The following PRSS23 variants were observed in gnomAD, a reference collection of about 807,000 sequenced individuals.
The protein encoded by PRSS23 is protease, serine 23.
PRSS23 carries 25 observed loss-of-function variants against 34.7 expected under a neutral mutation model. That is an observed-to-expected ratio of 0.72 (90% confidence interval 0.53 to 1.01). The LOEUF is 1.01. PRSS23 is among the 50% of genes least tolerant of loss of function. PRSS23 has a pLI of 0.00. For missense variants in PRSS23, 445 were observed against 475.6 expected (o/e 0.94, Z 0.60); for synonymous variants, 176 against 186.6 (o/e 0.94, Z 0.46).
At chr11:86,838,040 C>T (rs924302336) in intron 2 of PRSS23, among the ~76,000 whole-genome samples, 4 of 150,554 alleles carry the variant, frequency 2.7e-5, no homozygotes, top group Admixed American at 1.3e-4. Flanking sequence ...CAAGGGAAGC[C>T]GTGACAGACT....
intron 2 of PRSS23, among the ~76,000 whole-genome samples, chr11:86,895,929 A>T (rs762010418): frequency 1.3e-5 from 2 of 152,214 alleles, no homozygotes; most frequent in Non-Finnish European, 2.9e-5. Context: ...ATTTCAGTCA[A>T]ATTATCAGGA....
chr11:86,884,291 A>T (rs1344302701), intron 2 of PRSS23, among the ~76,000 whole-genome samples: 1 of 151,990 alleles, frequency 6.6e-6, no homozygotes, highest in Non-Finnish European at 1.5e-5. Flanking sequence ...TCTTGCACTC[A>T]TATTTGTTTT....
intron 2 of PRSS23, among the ~76,000 whole-genome samples, chr11:86,884,244 C>G (rs1948788172): frequency 6.6e-6 from 1 of 152,166 alleles, no homozygotes. Context: ...TAGTTTTTGA[C>G]CCTTCCAATT....
intron 2 of PRSS23, among the ~76,000 whole-genome samples, chr11:86,906,257 C>A (rs974845354): frequency 6.6e-6 from 1 of 152,242 alleles, no homozygotes; most frequent in Non-Finnish European, 1.5e-5. Flanking sequence ...CCTTCTCCAC[C>A]CTTGTGCCCA....
chr11:86,902,329 C>T (rs1948916961), intron 2 of PRSS23, among the ~76,000 whole-genome samples: 1 of 152,176 alleles, frequency 6.6e-6, no homozygotes, highest in Admixed American at 6.5e-5. Flanking sequence ...CAATATCTCC[C>T]AGCTGGAGTC....
chr11:86,897,621 C>A (rs577689067), intron 2 of PRSS23, among the ~76,000 whole-genome samples: 3 of 151,880 alleles, frequency 2.0e-5, no homozygotes, highest in Non-Finnish European at 4.4e-5. Flanking sequence ...TATAAGCATG[C>A]ACCCCTGGCT....
intron 2 of PRSS23, among the ~76,000 whole-genome samples, chr11:86,879,855 C>T (rs1374718383): frequency 2.8e-5 from 4 of 141,212 alleles, no homozygotes; most frequent in Admixed American, 7.0e-5. Context: ...CCAGCCGCCC[C>T]GTCCGGGAGG....
chr11:86,931,694 C>CA (rs1949126861), intron 2 of PRSS23, among the ~76,000 whole-genome samples: 1 of 152,152 alleles, frequency 6.6e-6, no homozygotes, highest in African/African-American at 2.4e-5. Context: ...CTTATCAAAG[C>CA]AAAACAGCTG....
chr11:86,930,582 G>C (rs1276385122), intron 2 of PRSS23, among the ~76,000 whole-genome samples: 4 of 152,144 alleles, frequency 2.6e-5, no homozygotes, highest in African/African-American at 4.8e-5. Flanking sequence ...ACAAGGTCAG[G>C]AGATCGAGAC....
intron 2 of PRSS23, among the ~76,000 whole-genome samples, chr11:86,851,309 C>T (rs1457422660): frequency 6.6e-6 from 1 of 152,184 alleles, no homozygotes; most frequent in African/African-American, 2.4e-5. Context: ...TAAGGAAAGC[C>T]AGGGGCAGGG....
rs754558454 is a variant in PRSS23 at position 86,808,819 on chromosome 11, A to G, written c.*24A>G. ...GACACAGTGTTCCCTCCTGGCAGCA[A>G]TTAAGGGTCTTCATGTTCTTATTTT... On this transcript the variant is annotated 3_prime_UTR_variant, in exon 2 of 2. Transcript: ENST00000280258. The G allele has an allele frequency of 1.3e-5, 20 of 1,568,902 alleles. No individual in the cohort carries two copies. Among genetic ancestry groups the G allele is most frequent in the Admixed American group, 1.8e-5 (1 of 54,926 alleles).
At chr11:86,861,460 C>T (rs888008735) in intron 2 of PRSS23, among the ~76,000 whole-genome samples, 1 of 151,712 alleles carries the variant, frequency 6.6e-6, no homozygotes, top group Non-Finnish European at 1.5e-5. Flanking sequence ...TTTGTATTAT[C>T]GGTGGGGAAG....
downstream of PRSS23, among the ~76,000 whole-genome samples, chr11:86,813,343 C>T (rs147831282): frequency 7.4e-4 from 112 of 152,318 alleles, no homozygotes; most frequent in South Asian, 5.2e-3. Context: ...TGAGCCTCAA[C>T]AAACTGAAGT....
chr11:86,826,554 C>G (rs1166322848), intron 2 of PRSS23, among the ~76,000 whole-genome samples: 4 of 152,316 alleles, frequency 2.6e-5, no homozygotes, highest in South Asian at 2.1e-4. Flanking sequence ...TGAGAGAGGG[C>G]ATCCCTGTCT....
At chr11:86,804,964 G>A (rs547421486) in intron 1 of PRSS23, among the ~76,000 whole-genome samples, 40 of 152,190 alleles carry the variant, frequency 2.6e-4, no homozygotes, top group African/African-American at 9.6e-4. Flanking sequence ...AAACAAGAAC[G>A]CTTGGCAGGT....
chr11:86,952,218 C>G, exon 3 of PRSS23: 1 of 1,614,084 alleles, frequency 6.2e-7, no homozygotes, highest in Non-Finnish European at 8.5e-7. Flanking sequence ...GAGTGACACT[C>G]TTCCCCAGGC....
intron 2 of PRSS23, among the ~76,000 whole-genome samples, chr11:86,836,588 G>T (rs763401030): frequency 1.3e-5 from 2 of 152,204 alleles, no homozygotes; most frequent in Non-Finnish European, 2.9e-5. Flanking sequence ...AAACAGTAAA[G>T]CTCCCTAGTC....
chr11:86,924,317 G>A (rs1358527967), intron 2 of PRSS23, among the ~76,000 whole-genome samples: 2 of 152,240 alleles, frequency 1.3e-5, no homozygotes, highest in South Asian at 2.1e-4. Context: ...AGAGAAGAAA[G>A]GGCTGCTGGC....
At chr11:86,804,146 C>T (rs1260887384) in intron 1 of PRSS23, among the ~76,000 whole-genome samples, 1 of 152,022 alleles carries the variant, frequency 6.6e-6, no homozygotes, top group African/African-American at 2.4e-5. Context: ...TCTAAAGCAC[C>T]CTAAATAAAC....
Sources: allele counts gnomAD v4.1 joint callset (sites outside exome capture counted in the v4.1 genomes callset), GRCh38; gene constraint gnomAD v4.1.1; transcripts MANE v1.5; gene names NCBI Gene and HGNC (gene_info 2026-07-23, HGNC 2026-07-21).